ZNF41: variants seen among roughly 807,000 people sequenced by gnomAD.
ZNF41 encodes the protein zinc finger protein 41.
In ZNF41, 6 loss-of-function variants were observed where a neutral mutation model predicts 9.3. The observed-to-expected ratio is 0.65, with a 90% CI of 0.35 to 1.28. ZNF41 has a LOEUF of 1.28. Ranked by LOEUF, ZNF41 falls within the 50% of genes most tolerant of loss-of-function variation. The pLI is 0.03. For missense variants in ZNF41, 523 were observed against 585.8 expected (o/e 0.89, Z 1.11); for synonymous variants, 192 against 207.1 (o/e 0.93, Z 0.63).
intron 4 of ZNF41, among the ~76,000 whole-genome samples, chrX:47,453,672 T>C (rs1463231588): frequency 8.9e-6 from 1 of 112,418 alleles, no homozygotes; most frequent in Admixed American, 9.5e-5. Flanking sequence ...AGAAATAGAA[T>C]GTTTTAGGTA....
At position 47,467,635 on chromosome X, in the gene ZNF41, C is replaced by G. The variant is rs1418475190; in HGVS notation, c.-154G>C. The G allele has an allele frequency of 4.9e-6, 3 of 614,149 alleles. No individual in the cohort carries two copies. In the East Asian group the frequency reaches 1.1e-4, roughly 22 times the overall value. The allele number at this position is 614,149 out of a possible 1,213,427, so 50.6% of individuals were successfully genotyped here. A position where few individuals can be genotyped will look rare whatever the true frequency, so the allele number is the denominator to read the frequency against. On this transcript the variant is annotated 5_prime_UTR_variant, in exon 2 of 5. Transcript: ENST00000684689. Reference sequence around the variant, plus strand: ...AGATCCTGCAGTTTCCACTAAGAAGCCTGGCCCCCAGACTCTGCAGAGGCT... The same window carrying G: ...AGATCCTGCAGTTTCCACTAAGAAGGCTGGCCCCCAGACTCTGCAGAGGCT...
intron 1 of ZNF41, among the ~76,000 whole-genome samples, chrX:47,481,127 T>C (rs975785661): frequency 9.0e-6 from 1 of 111,553 alleles, no homozygotes; most frequent in Non-Finnish European, 1.9e-5. Flanking sequence ...GAAACTATAG[T>C]GGAGATGCTA....
rs752151073 is a variant in ZNF41, at chrX:47,447,952, C to T, written c.1818G>A (p.Pro606=). 17 of 1,211,125 alleles carry T rather than the reference C, an allele frequency of 1.4e-5. No individual in the cohort carries two copies. Among genetic ancestry groups the T allele is most frequent in the South Asian group, 3.5e-5 (2 of 56,964 alleles). The change falls in exon 5 of 5, where the codon CCG becomes CCA. Residue 606 remains proline (P), a synonymous_variant. Coordinates refer to ENST00000684689, the MANE Select transcript of ZNF41 (RefSeq NM_001324144.2). The part of the protein sequence containing the change: ...VHQRIHTGEK[P]YVCPECGKAF... ...CCTTCCCGCATTCAGGACAAACGTA[C>T]GGTTTCTCTCCTGTATGGATTCTCT...
At chrX:47,456,461 T>A (rs781273974) in intron 2 of ZNF41, 63 bp from the exon 3 acceptor site, 50 of 1,202,607 alleles carry the variant, frequency 4.2e-5, no homozygotes, top group Non-Finnish European at 5.6e-5. Flanking sequence ...AGAAGGTAGA[T>A]AGCAAGTTGT....
At chrX:47,457,605 G>A (rs910525449) in intron 2 of ZNF41, among the ~76,000 whole-genome samples, 1 of 111,797 alleles carries the variant, frequency 8.9e-6, no homozygotes, top group Non-Finnish European at 1.9e-5. Context: ...TTGGGAGGCT[G>A]AGGCAGGCGG....
chrX:47,466,070 A>C (rs937376153), intron 2 of ZNF41, among the ~76,000 whole-genome samples: 5 of 111,424 alleles, frequency 4.5e-5, no homozygotes. Flanking sequence ...AAAACAACTG[A>C]AAGGAAATAC....
At chrX:47,462,894 GA>G (rs1213711881) in intron 2 of ZNF41, among the ~76,000 whole-genome samples, 2 of 96,864 alleles carry the variant, frequency 2.1e-5, no homozygotes, top group African/African-American at 7.9e-5. Context: ...CTACCCGGCT[GA>G]TTTTTTTTTT....
chrX:47,447,715 G>A lies in ZNF41; in HGVS notation c.2055C>T (p.His685=). 1 of 1,211,574 alleles carries A rather than the reference G, an allele frequency of 8.3e-7. No individual in the cohort carries two copies. Among genetic ancestry groups the A allele is most frequent in the Non-Finnish European group, 1.1e-6 (1 of 895,474 alleles). The change falls in exon 5 of 5, where the codon CAC becomes CAT. Residue 685 remains histidine (H), a synonymous_variant. Coordinates refer to ENST00000684689, the MANE Select transcript of ZNF41 (RefSeq NM_001324144.2). Reference sequence around the variant, plus strand: ...CACATTCATAGGGTTTCTCCCTAGTGTGGATTTTCTGATGTGTTATGAGAT... The same window carrying A: ...CACATTCATAGGGTTTCTCCCTAGTATGGATTTTCTGATGTGTTATGAGAT... ...RSNLITHQKI[H]TREKPYECGD...
chrX:47,455,248 A>AAAAT (rs1343878974), intron 4 of ZNF41, among the ~76,000 whole-genome samples: 2 of 103,281 alleles, frequency 1.9e-5, no homozygotes, highest in African/African-American at 7.1e-5. Flanking sequence ...TCTGTCTCAA[A>AAAAT]AAATAAATAA....
chrX:47,467,598 G>A lies in ZNF41; in HGVS notation c.-117C>T. ...GGAGCTGCTGGGGCGAGGCAAGCAG[G>A]GGTCAGAAGGAAGATCCTGCAGTTT... On this transcript the variant is annotated 5_prime_UTR_variant, in exon 2 of 5. Transcript: ENST00000684689. 5 of 895,998 alleles carry A rather than the reference G, an allele frequency of 5.6e-6. No individual in the cohort carries two copies. In the African/African-American group the frequency reaches 9.7e-5, roughly 17 times the overall value. 73.8% of individuals were successfully genotyped at this position (895,998 alleles called of 1,213,427 possible). A position where few individuals can be genotyped will look rare whatever the true frequency, so the allele number is the denominator to read the frequency against.
rs1421198356 is a variant in ZNF41 at position 47,483,163 on chromosome X, G to A, written c.-348C>T. ...GCTGCGGGAAACACTCGGCGTCTCG[G>A]CTGTCACCGAACCTGTGCAGTTGCC... On this transcript the variant is annotated 5_prime_UTR_variant, in exon 1 of 5. Transcript: ENST00000684689. Among the ~76,000 whole-genome samples the A allele has an allele frequency of 1.8e-5, 2 of 112,409 alleles. No individual in the cohort carries two copies. The highest frequency in any genetic ancestry group is 1.9e-4 in the Admixed American group (2 of 10,713).
At chrX:47,458,208 C>G (rs2056644485) in intron 2 of ZNF41, among the ~76,000 whole-genome samples, 2 of 111,586 alleles carry the variant, frequency 1.8e-5, no homozygotes, top group African/African-American at 6.5e-5. Context: ...TCTTACAGAC[C>G]ATCTCTAAAC....
chrX:47,482,561 A>G (rs918577163), intron 1 of ZNF41: 1 of 110,499 alleles, frequency 9.0e-6, no homozygotes, highest in Non-Finnish European at 1.9e-5. Flanking sequence ...GCTCGCCCAC[A>G]ATTACACCTG....
chrX:47,481,173 T>C (rs7061448), intron 1 of ZNF41, among the ~76,000 whole-genome samples: 3,805 of 111,831 alleles, frequency 0.034, 175 homozygotes, highest in African/African-American at 0.12. Flanking sequence ...CTCACGCCTG[T>C]AGTTCCAGCA....
At position 47,447,416 on chromosome X, in the gene ZNF41, A is replaced by G; in HGVS notation, c.*14T>C. ...TGATGCATACCCAGTTGTGATTTCC[A>G]GGTGAAGACTTTCTCAGTCACTGGC... On this transcript the variant is annotated 3_prime_UTR_variant, in exon 5 of 5. Coordinates refer to ENST00000684689, the MANE Select transcript of ZNF41 (RefSeq NM_001324144.2). The G allele has an allele frequency of 8.3e-7, 1 of 1,209,685 alleles. No individual in the cohort carries two copies. The highest frequency in any genetic ancestry group is 1.1e-6 in the Non-Finnish European group (1 of 895,369).
At chrX:47,482,572 G>C (rs1569306203) in intron 1 of ZNF41, 1 of 106,978 alleles carries the variant, frequency 9.3e-6, no homozygotes, top group Non-Finnish European at 1.9e-5. Flanking sequence ...ATTACACCTG[G>C]TGGGTGCCCT....
In ZNF41 at chrX:47,456,377, C is replaced by A. The variant is rs918503644; in HGVS notation, c.94G>T (p.Val32Leu). 8 of 1,209,616 alleles carry A rather than the reference C, an allele frequency of 6.6e-6. No homozygotes were observed. Among genetic ancestry groups the A allele is most frequent in the Non-Finnish European group, 8.9e-6 (8 of 895,100 alleles). ...SCEASVSFED[V>L]TVDFSKEEWQ... ...TCCTCCTTGCTGAAGTCCACAGTCA[C>A]GTCCTCAAATGACACTGAAGCCTGT... Residue 32 changes from valine to leucine, a missense_variant, in exon 3 of 5, where the codon GTG (valine) becomes TTG (leucine). Val to Leu is a conservative substitution (Grantham distance 32). Coordinates refer to ENST00000684689, the MANE Select transcript of ZNF41 (RefSeq NM_001324144.2).
Position 47,451,749 on chromosome X carries a change from A to ATG in ZNF41, c.296-2276_296-2275insCA, listed in dbSNP as rs1308939162. ...AAATTAGCCAGGCATGGTGGCATGC[A>ATG]CCTGTAATCCCAGCCACTCGGGAGG... On this transcript the variant is annotated intron_variant, in intron 4 of 4. Coordinates refer to ENST00000684689, the MANE Select transcript of ZNF41 (RefSeq NM_001324144.2). Among the ~76,000 whole-genome samples the ATG allele has an allele frequency of 2.7e-5, 3 of 111,826 alleles. No homozygotes were observed. The Admixed American group carries it at 2.8e-4, about 11-fold the overall frequency.
intron 1 of ZNF41, chrX:47,482,547 G>A (rs1450411007): frequency 8.9e-6 from 1 of 112,759 alleles, no homozygotes; most frequent in East Asian, 2.8e-4. Flanking sequence ...GCTCCGAAGC[G>A]GCCGCTCGCC....
Sources: allele counts gnomAD v4.1 joint callset (sites outside exome capture counted in the v4.1 genomes callset), GRCh38; gene constraint gnomAD v4.1.1; transcripts MANE v1.5; gene names NCBI Gene and HGNC (gene_info 2026-07-23, HGNC 2026-07-21).